The following HCFC2 variants were observed in gnomAD, a reference collection of about 807,000 sequenced individuals.
HCFC2 encodes the protein host cell factor C2.
A neutral mutation model predicts 89.2 loss-of-function variants in HCFC2; 18 were observed. That is an observed-to-expected ratio of 0.20 (90% CI 0.14 to 0.30). The LOEUF is 0.30. Among genes scored for constraint, HCFC2 ranks in the 10% least tolerant of loss-of-function variants. HCFC2 has a pLI of 1.00. For missense variants in HCFC2, 578 were observed against 956.1 expected, an observed-to-expected ratio of 0.60 and a Z score of 5.21; for synonymous variants, 308 against 335.7, an observed-to-expected ratio of 0.92 and a Z score of 0.90.
rs1015657920 is a variant in HCFC2, at chr12:104,104,992, T to G, written c.*1719T>G. On this transcript the variant is annotated 3_prime_UTR_variant, in exon 15 of 15. Transcript: ENST00000229330. Reference sequence around the variant, plus strand: ...TCATTCTGCATTTGTTTAATTCATATGCTTTGCTTTTGGCATATGCTTGCT... The same window carrying G: ...TCATTCTGCATTTGTTTAATTCATAGGCTTTGCTTTTGGCATATGCTTGCT... The G allele has an allele frequency of 1.3e-5, 2 of 152,068 alleles. No individual in the cohort carries two copies. Among genetic ancestry groups the G allele is most frequent in the African/African-American group, 2.4e-5 (1 of 41,446 alleles). 9.4% of individuals were successfully genotyped at this position (152,068 alleles called of 1,614,324 possible).
chr12:104,084,909 G>C (rs1283218739), intron 7 of HCFC2, among the ~76,000 whole-genome samples: 1 of 152,144 alleles, frequency 6.6e-6, no homozygotes, highest in Non-Finnish European at 1.5e-5. Context: ...ATTTTACTGA[G>C]ACAGGGAAGA....
At chr12:104,080,287 A>C (rs1883646311) in intron 4 of HCFC2, 1 of 160,904 alleles carries the variant, frequency 6.2e-6, no homozygotes, top group Non-Finnish European at 1.4e-5. Flanking sequence ...TAATACCAAA[A>C]TCCATGGATG....
chr12:104,093,240 T>A, intron 9 of HCFC2, 146 bp from the exon 10 acceptor site: 1 of 546,632 alleles, frequency 1.8e-6, no homozygotes, highest in Non-Finnish European at 3.1e-6. Flanking sequence ...TGAAGAATAA[T>A]CCTGTAGAAA....
Position 104,095,377 on chromosome 12 carries a change from A to C in HCFC2, c.1480A>C (p.Asn494His). The C allele has an allele frequency of 6.2e-7, 1 of 1,613,050 alleles. No homozygotes were observed. Among genetic ancestry groups the C allele is most frequent in the Non-Finnish European group, 8.5e-7 (1 of 1,179,222 alleles). Residue 494 changes from asparagine to histidine, a missense_variant, in exon 11 of 15, where the codon AAT becomes CAT. This residue lies in a region of HCFC2 where 210 missense variants were observed against 251.7 expected (regional missense o/e 0.83). Coordinates refer to ENST00000229330, the MANE Select transcript of HCFC2 (RefSeq NM_013320.3). The surrounding 1 kb of genome is among the most constrained non-coding windows in gnomAD (Gnocchi z 4.2). ...RKNEGPHTSA[N>H]VGVLSSCLDV... ...TATTTTAGGTCCTCACACTTCAGCA[A>C]ATGTAGGTGTTCTAAGTAGTTGCCT... is the stretch of plus-strand genomic sequence containing the variant.
intron 14 of HCFC2, 51 bp from the exon 15 acceptor site, chr12:104,102,908 A>C: frequency 7.0e-7 from 1 of 1,437,584 alleles, no homozygotes; most frequent in Non-Finnish European, 9.5e-7. Flanking sequence ...AATAAGTGAT[A>C]ACAGAGGAAA....
intron 13 of HCFC2, among the ~76,000 whole-genome samples, chr12:104,101,234 A>C (rs532320408): frequency 1.4e-3 from 217 of 152,352 alleles, no homozygotes; most frequent in Admixed American, 4.1e-3. Flanking sequence ...CTGTAATCCC[A>C]GCACTTTGGG....
chr12:104,085,773 A>G (rs1023705827), intron 7 of HCFC2, among the ~76,000 whole-genome samples: 3 of 151,130 alleles, frequency 2.0e-5, no homozygotes, highest in Non-Finnish European at 4.4e-5. Context: ...ATAGAATTCC[A>G]TGAGGCTTTC....
Position 104,103,679 on chromosome 12 carries a change from C to T in HCFC2, c.*406C>T, listed in dbSNP as rs936114569. The T allele has an allele frequency of 6.2e-6, 1 of 160,476 alleles. No individual in the cohort carries two copies. The highest frequency in any genetic ancestry group is 2.4e-5 in the African/African-American group (1 of 41,488). 9.9% of individuals were successfully genotyped at this position (160,476 alleles called of 1,614,324 possible). ...TGTTCTCTACATTGTAAATGTCCTA[C>T]CTTTGAGTACTCCTTCTATCTTTAT... On this transcript the variant is annotated 3_prime_UTR_variant, in exon 15 of 15. Transcript: ENST00000229330.
chr12:104,065,449 C>G (rs1049307129), intron 1 of HCFC2, among the ~76,000 whole-genome samples: 4 of 152,080 alleles, frequency 2.6e-5, no homozygotes, highest in African/African-American at 4.8e-5. Context: ...TTTTTTTTCC[C>G]CTTGTAAATG....
At chr12:104,086,775 C>A in intron 7 of HCFC2, 72 bp from the exon 8 acceptor site, 2 of 1,361,322 alleles carry the variant, frequency 1.5e-6, no homozygotes, top group South Asian at 1.3e-5. Flanking sequence ...AAGCTCTGGT[C>A]CACACAAATT....
intron 13 of HCFC2, 149 bp from the exon 14 acceptor site, chr12:104,101,819 T>TGA: frequency 2.1e-6 from 1 of 471,512 alleles, no homozygotes; most frequent in Non-Finnish European, 3.6e-6. Context: ...TCATTCCATG[T>TGA]GAGAGAGAGG....
chr12:104,086,870 G>C lies in HCFC2; in HGVS notation c.1087G>C (p.Val363Leu), dbSNP rs753815419. ...DTEKPPAPSQVQLIKATTNSF... is the reference protein window; with the variant it reads ...DTEKPPAPSQLQLIKATTNSF... The stretch of plus-strand genomic sequence containing the variant: ...AGAGAAACCACCGGCACCATCTCAA[G>C]TACAGCTGATCAAAGCCACTACCAA... Residue 363 changes from valine (V) to leucine (L), a missense_variant, in exon 8 of 15, where the codon GTA (valine) becomes CTA (leucine). By Grantham distance (32) the Val-to-Leu change is conservative. Around this residue, in one of 4 missense-constraint regions of HCFC2, gnomAD observed 210 missense variants for 251.7 expected, o/e 0.83. Coordinates refer to ENST00000229330, the MANE Select transcript of HCFC2 (RefSeq NM_013320.3). The C allele has an allele frequency of 6.2e-7, 1 of 1,613,786 alleles. No homozygotes were observed. Among genetic ancestry groups the C allele is most frequent in the Non-Finnish European group, 8.5e-7 (1 of 1,179,798 alleles).
chr12:104,087,021 T>A lies in HCFC2; in HGVS notation c.1231+7T>A. The A allele has an allele frequency of 1.2e-6, 2 of 1,612,964 alleles. No individual in the cohort carries two copies. Among genetic ancestry groups the A allele is most frequent in the Non-Finnish European group, 1.7e-6 (2 of 1,179,234 alleles). ...GCAGCACCAAATATGCAAGGTAACA[T>A]AATTTTCATGCTTAAAGTATGTGTG... On this transcript the variant is annotated splice_region_variant and intron_variant, in intron 8 of 14. Coordinates refer to ENST00000229330, the MANE Select transcript of HCFC2 (RefSeq NM_013320.3).
In HCFC2 at chr12:104,095,556, A is replaced by T. The variant is rs752291859; in HGVS notation, c.1659A>T (p.Lys553Asn). ...DETSLTTFST[K>N]SEVDETYALP... ...CTTCACTAACAACATTCAGTACCAA[A>T]TCTGAAGGTTTGAAATGTGTTTCAC... The change falls in exon 11 of 15, where the codon AAA becomes AAT. Residue 553 changes from lysine to asparagine, a missense_variant. Physicochemically the swap from Lys to Asn is moderately conservative, Grantham distance 94. Around this residue, in one of 4 missense-constraint regions of HCFC2, gnomAD observed 210 missense variants for 251.7 expected, o/e 0.83. Coordinates refer to ENST00000229330, the MANE Select transcript of HCFC2 (RefSeq NM_013320.3). This position sits in a 1 kb window ranked among gnomAD's most constrained non-coding sequence, Gnocchi z 4.2. 6.2e-7 allele frequency: 1 copy of T among 1,611,084 alleles called. No individual in the cohort carries two copies. The highest frequency in any genetic ancestry group is 8.5e-7 in the Non-Finnish European group (1 of 1,177,378).
At chr12:104,071,794 T>G (rs1883333171) in intron 3 of HCFC2, among the ~76,000 whole-genome samples, 2 of 152,242 alleles carry the variant, frequency 1.3e-5, no homozygotes, top group African/African-American at 4.8e-5. Context: ...TATAAGGGTT[T>G]TACTTTCTCC....
In HCFC2 at chr12:104,068,391, C is replaced by T. The variant is rs1883217896; in HGVS notation, c.473+284C>T. ...TTAATATTAATGTAACTGCTTGTATCAATATATTTGTATATATTGAGCCAT... is the reference window on the plus strand; with the variant it reads ...TTAATATTAATGTAACTGCTTGTATTAATATATTTGTATATATTGAGCCAT... On this transcript the variant is annotated intron_variant, in intron 3 of 14. Coordinates refer to ENST00000229330, the MANE Select transcript of HCFC2 (RefSeq NM_013320.3). This position sits in a 1 kb window ranked among gnomAD's most constrained non-coding sequence, Gnocchi z 4.1. Among the ~76,000 whole-genome samples, 1 of 152,028 alleles carries T rather than the reference C, an allele frequency of 6.6e-6. No homozygotes were observed. Among genetic ancestry groups the T allele is most frequent in the Non-Finnish European group, 1.5e-5 (1 of 68,018 alleles).
chr12:104,073,089 TA>T lies in HCFC2; in HGVS notation c.473+4983del, dbSNP rs574040296. On this transcript the variant is annotated intron_variant, in intron 3 of 14. Transcript: ENST00000229330. ...TTTAAATGGATTTCAATTTTTTTATTATTGTTGATTCTTAGGAGTTCTTTAC... is the reference window on the plus strand; with the variant it reads ...TTTAAATGGATTTCAATTTTTTTATTTTGTTGATTCTTAGGAGTTCTTTAC... Among the ~76,000 whole-genome samples, 122 of 152,124 alleles carry T rather than the reference TA, an allele frequency of 8.0e-4. 1 individual carries two copies. Among genetic ancestry groups the T allele is most frequent in the African/African-American group, 2.6e-3 (109 of 41,544 alleles).
At chr12:104,085,877 T>C (rs939725216) in intron 7 of HCFC2, among the ~76,000 whole-genome samples, 2 of 152,106 alleles carry the variant, frequency 1.3e-5, no homozygotes, top group African/African-American at 4.8e-5. Context: ...GATTCTTTAC[T>C]TCCATATCTC....
At chr12:104,088,966 A>G (rs1883945451) in intron 9 of HCFC2, among the ~76,000 whole-genome samples, 1 of 152,076 alleles carries the variant, frequency 6.6e-6, no homozygotes, top group Non-Finnish European at 1.5e-5. Context: ...ACTACTTTAA[A>G]CTATCGTAGC....
Sources: gnomAD v4.1 joint callset for allele counts (sites outside exome capture counted in the v4.1 genomes callset) on GRCh38, gnomAD v4.1.1 for gene constraint, gnomAD v4.1.1 regional missense constraint, Gnocchi (gnomAD v3.1) non-coding constraint, MANE v1.5 for transcripts, NCBI Gene and HGNC (gene_info 2026-07-23, HGNC 2026-07-21) for gene names.